Variants in FRMD1 observed in about 807,000 individuals in gnomAD.
FRMD1 encodes FERM domain containing 1.
Under a neutral mutation model 54.9 loss-of-function variants are expected in FRMD1, and 51 were observed. The ratio of observed to expected loss-of-function variants is 0.93; its 90% CI spans 0.74 to 1.17. FRMD1 has a LOEUF of 1.17. Among genes scored for constraint, FRMD1 ranks in the 50% most tolerant of loss-of-function variants. FRMD1 has a pLI of 0.00. For synonymous variants in FRMD1, 324 were observed against 306.4 expected (o/e 1.06, Z -0.60); for missense variants, 729 against 743.0 (o/e 0.98, Z 0.22).
chr6:168,059,537 C>G lies in FRMD1; in HGVS notation c.1343-349G>C, dbSNP rs931947626. On this transcript the variant is annotated intron_variant, in intron 9 of 10. Transcript: ENST00000283309. The surrounding 1 kb of genome is among the most constrained non-coding windows in gnomAD (Gnocchi z 4.4). ...GTGGCTTAGTGACAGGAATGCCTGG[C>G]CCTGGGAGGCCCTAGGTGATGTTTT... Among the ~76,000 whole-genome samples the G allele has an allele frequency of 2.0e-5, 3 of 152,148 alleles. No homozygotes were observed. The highest frequency in any genetic ancestry group is 2.9e-5 in the Non-Finnish European group (2 of 68,024).
intron 2 of FRMD1, among the ~76,000 whole-genome samples, chr6:168,074,520 AT>A (rs907785061): frequency 6.6e-5 from 8 of 120,594 alleles, no homozygotes; most frequent in African/African-American, 2.6e-4. Flanking sequence ...TGTGTGGTGT[AT>A]GTATGTGTAC....
intron 2 of FRMD1, among the ~76,000 whole-genome samples, chr6:168,072,050 G>A (rs1289238559): frequency 1.3e-5 from 2 of 152,232 alleles, no homozygotes; most frequent in African/African-American, 4.8e-5. Context: ...AGGGTTAGAA[G>A]CCAGCCGATG....
upstream of FRMD1, among the ~76,000 whole-genome samples, chr6:168,083,052 C>T (rs2115027999): frequency 6.6e-6 from 1 of 152,338 alleles, no homozygotes; most frequent in African/African-American, 2.4e-5. Context: ...ATGTGGAGCG[C>T]CGGAGGTGCT....
At chr6:168,078,785 C>CTGTGTTTACTCCCAA in intron 1 of FRMD1, 97 bp downstream of exon 1, 3 of 88,024 alleles carry the variant, frequency 3.4e-5, no homozygotes, top group South Asian at 1.6e-4. Context: ...CTCACCCCCA[C>CTGTGTTTACTCCCAA]GGCCACCCAG....
chr6:168,071,234 C>G (rs183963629), intron 2 of FRMD1, among the ~76,000 whole-genome samples: 208 of 152,334 alleles, frequency 1.4e-3, no homozygotes, highest in African/African-American at 4.8e-3. Context: ...TGCCTTGCCT[C>G]TATATCCAAG....
At chr6:168,080,501 C>T (rs888603032), upstream of FRMD1, among the ~76,000 whole-genome samples, 3 of 152,192 alleles carry the variant, frequency 2.0e-5, no homozygotes, top group Non-Finnish European at 4.4e-5. Context: ...TCCTCATGGC[C>T]CTGTGCCACT....
At position 168,067,508 on chromosome 6, in the gene FRMD1, G is replaced by T. The variant is rs1039257993; in HGVS notation, c.305-62C>A. ...CCATGCTTCTCAGGTGTCACCGTGT[G>T]TTCAAAACTGAGTGTGGCTTGGAGA... On this transcript the variant is annotated intron_variant, in intron 2 of 10. Coordinates refer to ENST00000283309, the MANE Select transcript of FRMD1 (RefSeq NM_024919.6). 7.2e-6 allele frequency: 7 copies of T among 968,314 alleles called. No homozygotes were observed. In the Admixed American group the frequency reaches 1.1e-4, roughly 15 times the overall value. 60.0% of individuals were successfully genotyped at this position (968,314 alleles called of 1,614,324 possible).
chr6:168,070,137 T>G (rs10945463), intron 2 of FRMD1, among the ~76,000 whole-genome samples: 41,727 of 149,664 alleles, frequency 0.28, 6,931 homozygotes, highest in African/African-American at 0.48. Flanking sequence ...CGCCAGAGGA[T>G]CCACCTGAGC....
rs779250615 is a variant in FRMD1, at chr6:168,062,626, A to G, written c.870+268T>C. On this transcript the variant is annotated intron_variant, in intron 7 of 10. Coordinates refer to ENST00000283309, the MANE Select transcript of FRMD1 (RefSeq NM_024919.6). ...GAAAATGCCCCGAGGATGAAGCTGC[A>G]TCTGCCCAGGCTTTCCAGGGCACGG... 12 of 1,517,202 alleles carry G rather than the reference A, an allele frequency of 7.9e-6. No homozygotes were observed. The South Asian group carries it at 1.2e-4, about 15-fold the overall frequency. 94.0% of individuals were successfully genotyped at this position (1,517,202 alleles called of 1,614,324 possible).
rs113328475 is a variant in FRMD1 at position 168,057,219 on chromosome 6, C to T, written c.1528G>A (p.Ala510Thr). 2.6e-5 allele frequency: 42 copies of T among 1,608,336 alleles called. No individual in the cohort carries two copies. Among genetic ancestry groups the T allele is most frequent in the East Asian group, 1.1e-4 (5 of 44,728 alleles). The change falls in exon 11 of 11, where the codon GCC becomes ACC. Residue 510 changes from alanine (A) to threonine (T), a missense_variant. Transcript: ENST00000283309. Reference sequence around the variant, plus strand: ...GGGCCTGCCAGCCTGCAGTCCAGGGCGCGGTGGAAGGTATGGCTGAGTGAG... The same window carrying T: ...GGGCCTGCCAGCCTGCAGTCCAGGGTGCGGTGGAAGGTATGGCTGAGTGAG... Reference protein sequence around the residue: ...PTSLSHTFHRALDCRLAGPCE... With the variant: ...PTSLSHTFHRTLDCRLAGPCE...
At chr6:168,063,156 T>G (rs1233748709) in intron 6 of FRMD1, among the ~76,000 whole-genome samples, 197 bp from the exon 7 acceptor site, 1 of 152,190 alleles carries the variant, frequency 6.6e-6, no homozygotes, top group Non-Finnish European at 1.5e-5. Context: ...CTGCCTTTCA[T>G]CATGCCAGAT....
rs1026611665 is a variant in FRMD1, at chr6:168,056,491, TGGA to T, written c.*603_*605del. 1 of 152,280 alleles carries T rather than the reference TGGA, an allele frequency of 6.6e-6. No individual in the cohort carries two copies. Among genetic ancestry groups the T allele is most frequent in the Admixed American group, 6.5e-5 (1 of 15,278 alleles). 9.4% of individuals were successfully genotyped at this position (152,280 alleles called of 1,614,324 possible). A position where few individuals can be genotyped will look rare whatever the true frequency, so the allele number is the denominator to read the frequency against. On this transcript the variant is annotated 3_prime_UTR_variant, in exon 11 of 11. Coordinates refer to ENST00000283309, the MANE Select transcript of FRMD1 (RefSeq NM_024919.6). The stretch of plus-strand genomic sequence containing the variant: ...AAGCACAGCCATTGACTGTGGATGG[TGGA>T]GGAGGGTCTCTGGCTGGATCTCAGG...
chr6:168,081,562 G>T (rs1367129673), upstream of FRMD1: 7 of 1,473,258 alleles, frequency 4.8e-6, no homozygotes, highest in Middle Eastern at 1.8e-4. Context: ...ATAGATAGAG[G>T]CCTGCTGAGA....
In FRMD1 at chr6:168,056,874, C is replaced by T; in HGVS notation, c.*223G>A. 2.3e-6 allele frequency: 1 copy of T among 432,840 alleles called. No homozygotes were observed. 26.8% of individuals were successfully genotyped at this position (432,840 alleles called of 1,614,324 possible). On this transcript the variant is annotated 3_prime_UTR_variant, in exon 11 of 11. Coordinates refer to ENST00000283309, the MANE Select transcript of FRMD1 (RefSeq NM_024919.6). ...CCCTGAGACCCTGAGGGAAAGAGCTCCCGGGTGTATGGCAGACAGGCATGA... is the reference window on the plus strand; with the variant it reads ...CCCTGAGACCCTGAGGGAAAGAGCTTCCGGGTGTATGGCAGACAGGCATGA...
upstream of FRMD1, chr6:168,081,336 A>AC: frequency 6.6e-7 from 1 of 1,519,492 alleles, no homozygotes; most frequent in Non-Finnish European, 8.8e-7. Flanking sequence ...CCCAACACTG[A>AC]CCCCACCTCT....
At chr6:168,091,776 C>T (rs550802756) in intron 1 of FRMD1, among the ~76,000 whole-genome samples, 38 of 152,360 alleles carry the variant, frequency 2.5e-4, no homozygotes, top group African/African-American at 4.3e-4. Flanking sequence ...TGCTACTCCG[C>T]GGAAGCGAAA....
rs1466010708 is a variant in FRMD1, at chr6:168,053,230, T to A, written c.*3867A>T. ...TCTCCCGGCAGGGCTGCCCCGGATT[T>A]GTTTTCTAACCTTGGCACCTGGAAG... is the stretch of plus-strand genomic sequence containing the variant. On this transcript the variant is annotated 3_prime_UTR_variant, in exon 11 of 11. Transcript: ENST00000283309. 6.6e-6 allele frequency: 1 copy of A among 152,226 alleles called. No individual in the cohort carries two copies. The highest frequency in any genetic ancestry group is 1.5e-5 in the Non-Finnish European group (1 of 68,064). 9.4% of individuals were successfully genotyped at this position (152,226 alleles called of 1,614,324 possible). A position where few individuals can be genotyped will look rare whatever the true frequency, so the allele number is the denominator to read the frequency against.
At position 168,057,160 on chromosome 6, in the gene FRMD1, C is replaced by A. The variant is rs543319249; in HGVS notation, c.1587G>T (p.Arg529Ser). The change falls in exon 11 of 11, where the codon AGG (arginine) becomes AGT (serine). Residue 529 changes from arginine (R) to serine (S), a missense_variant. Transcript: ENST00000283309. ...GGTCCAGGGCGAGACAGTTGCTGGA[C>A]CTCTTGCTGGGGAGAGTGGCCCTGG... ...CETRATLPSKRSSNCLALDLF... is the reference protein window; with the variant it reads ...CETRATLPSKSSSNCLALDLF... The A allele has an allele frequency of 3.2e-6, 5 of 1,574,870 alleles. No individual in the cohort carries two copies. Among genetic ancestry groups the A allele is most frequent in the Middle Eastern group, 1.7e-4 (1 of 5,904 alleles).
At chr6:168,086,745 G>A (rs1417569318) in intron 1 of FRMD1, among the ~76,000 whole-genome samples, 2 of 152,112 alleles carry the variant, frequency 1.3e-5, no homozygotes, top group Admixed American at 6.5e-5. Flanking sequence ...CCATACTGCT[G>A]TCCTTGTGGA....
Sources: allele counts gnomAD v4.1 joint callset (sites outside exome capture counted in the v4.1 genomes callset), GRCh38; gene constraint gnomAD v4.1.1; non-coding constraint Gnocchi (gnomAD v3.1); transcripts MANE v1.5; gene names NCBI Gene and HGNC (gene_info 2026-07-23, HGNC 2026-07-21).